CPQ: variants seen among roughly 807,000 people sequenced by gnomAD.
CPQ encodes carboxypeptidase Q, also known as Ser-Met dipeptidase.
Under a neutral mutation model 45.7 loss-of-function variants are expected in CPQ, and 37 were observed. That is an observed-to-expected ratio of 0.81 (90% CI 0.62 to 1.07). The LOEUF is 1.07. Among genes scored for constraint, CPQ ranks in the 50% least tolerant of loss-of-function variants. CPQ has a pLI of 0.00. For missense variants in CPQ, 537 were observed against 572.9 expected (o/e 0.94, Z 0.64); for synonymous variants, 186 against 205.8 (o/e 0.90, Z 0.82).
At chr8:96,819,151 A>G (rs1586413081) in intron 2 of CPQ, among the ~76,000 whole-genome samples, 1 of 152,086 alleles carries the variant, frequency 6.6e-6, no homozygotes, top group Non-Finnish European at 1.5e-5. Context: ...TCATCACACA[A>G]TTACCTTTTA....
At chr8:97,016,993 A>C (rs772294522) in intron 5 of CPQ, among the ~76,000 whole-genome samples, 1 of 152,220 alleles carries the variant, frequency 6.6e-6, no homozygotes, top group Admixed American at 6.5e-5. Context: ...GGAATACATT[A>C]GGAAAGCCAA....
chr8:96,742,775 C>A (rs944354708), intron 1 of CPQ, among the ~76,000 whole-genome samples: 1 of 152,106 alleles, frequency 6.6e-6, no homozygotes, highest in African/African-American at 2.4e-5. Context: ...GTTGAAAATT[C>A]TTTTCTTTAA....
chr8:96,784,409 G>GGA (rs1563496262), intron 1 of CPQ, among the ~76,000 whole-genome samples: 1 of 150,788 alleles, frequency 6.6e-6, no homozygotes, highest in African/African-American at 2.4e-5. Context: ...TGGGGGGGGG[G>GGA]TTGGTAAAAT....
At chr8:97,078,414 C>T (rs999538224) in intron 7 of CPQ, among the ~76,000 whole-genome samples, 2 of 152,174 alleles carry the variant, frequency 1.3e-5, no homozygotes, top group Non-Finnish European at 2.9e-5. Context: ...GACTAGGAAA[C>T]ACTTTTTTTC....
chr8:96,765,887 T>C (rs1318030508), intron 1 of CPQ, among the ~76,000 whole-genome samples: 1 of 152,124 alleles, frequency 6.6e-6, no homozygotes, highest in Non-Finnish European at 1.5e-5. Flanking sequence ...GAACCTTTGG[T>C]CTAGAGATGG....
At chr8:96,926,753 G>A (rs866520239) in intron 4 of CPQ, among the ~76,000 whole-genome samples, 7 of 151,414 alleles carry the variant, frequency 4.6e-5, no homozygotes, top group Non-Finnish European at 7.4e-5. Flanking sequence ...AGGTATACAC[G>A]TGCCATGGTG....
chr8:97,049,433 A>G (rs564431808), intron 6 of CPQ, among the ~76,000 whole-genome samples: 16 of 152,338 alleles, frequency 1.1e-4, no homozygotes, highest in Admixed American at 1.0e-3. Flanking sequence ...CAGATTATGA[A>G]TTGCAGTGAA....
chr8:97,115,558 T>C (rs1391474846), intron 7 of CPQ, among the ~76,000 whole-genome samples: 1 of 152,220 alleles, frequency 6.6e-6, no homozygotes, highest in Non-Finnish European at 1.5e-5. Flanking sequence ...TGAAAACGTC[T>C]GTGCCATTTT....
At chr8:97,134,474 T>C (rs1364163402) in intron 7 of CPQ, among the ~76,000 whole-genome samples, 1 of 152,200 alleles carries the variant, frequency 6.6e-6, no homozygotes, top group Non-Finnish European at 1.5e-5. Context: ...GCCACAGCGA[T>C]GGGCTTGGTG....
At chr8:96,985,852 T>C (rs1808961309) in intron 5 of CPQ, among the ~76,000 whole-genome samples, 1 of 152,236 alleles carries the variant, frequency 6.6e-6, no homozygotes, top group African/African-American at 2.4e-5. Flanking sequence ...CTGTATCAAA[T>C]TGGTATTCTT....
intron 4 of CPQ, among the ~76,000 whole-genome samples, chr8:96,889,384 A>T (rs1812345068): frequency 6.6e-6 from 1 of 152,156 alleles, no homozygotes; most frequent in Non-Finnish European, 1.5e-5. Flanking sequence ...GGTATATGAG[A>T]GAAAAAGAGG....
intron 4 of CPQ, among the ~76,000 whole-genome samples, chr8:96,936,250 T>A (rs1813048279): frequency 6.6e-6 from 1 of 152,132 alleles, no homozygotes; most frequent in African/African-American, 2.4e-5. Flanking sequence ...TTACTGTGGG[T>A]CTAATGCAGT....
chr8:97,067,663 A>T (rs1219835321), intron 7 of CPQ, among the ~76,000 whole-genome samples: 3 of 152,326 alleles, frequency 2.0e-5, no homozygotes, highest in African/African-American at 4.8e-5. Context: ...ATCTTTCATA[A>T]CTAAAAATAA....
chr8:97,066,309 T>G, intron 7 of CPQ, 99 bp downstream of exon 7: 2 of 1,075,226 alleles, frequency 1.9e-6, no homozygotes, highest in South Asian at 3.0e-5. Flanking sequence ...GTAGGCCAGG[T>G]TGTCCACGGA....
intron 3 of CPQ, among the ~76,000 whole-genome samples, chr8:96,876,726 A>C (rs773713526): frequency 6.6e-6 from 1 of 152,232 alleles, no homozygotes. Flanking sequence ...AGTATATTAC[A>C]TCAATTGATT....
intron 1 of CPQ, among the ~76,000 whole-genome samples, chr8:96,730,605 A>C (rs1004363542): frequency 6.6e-6 from 1 of 151,900 alleles, no homozygotes; most frequent in African/African-American, 2.4e-5. Context: ...AAAATCTTTT[A>C]TGATCTTAAA....
At chr8:96,834,744 G>A (rs1291782604) in intron 2 of CPQ, among the ~76,000 whole-genome samples, 1 of 152,162 alleles carries the variant, frequency 6.6e-6, no homozygotes, top group East Asian at 1.9e-4. Context: ...CAAGTGAGTT[G>A]AAAAACCTTA....
chr8:96,748,833 G>T (rs1810223726), intron 1 of CPQ, among the ~76,000 whole-genome samples: 1 of 152,038 alleles, frequency 6.6e-6, no homozygotes, highest in African/African-American at 2.4e-5. Flanking sequence ...TGTTTTTTGT[G>T]AACGCTGTTA....
chr8:96,910,882 A>G (rs1429323913), intron 4 of CPQ, among the ~76,000 whole-genome samples: 1 of 152,032 alleles, frequency 6.6e-6, no homozygotes, highest in Admixed American at 6.6e-5. Context: ...TTGAAGTCAC[A>G]CAGAAGGCTG....
Sources: gnomAD v4.1 joint callset for allele counts (sites outside exome capture counted in the v4.1 genomes callset) on GRCh38, gnomAD v4.1.1 for gene constraint, MANE v1.5 for transcripts, NCBI Gene and HGNC (gene_info 2026-07-23, HGNC 2026-07-21) for gene names.